The following CADM2 variants were observed in gnomAD, a reference collection of about 807,000 sequenced individuals.
The protein encoded by CADM2 is cell adhesion molecule 2.
A neutral mutation model predicts 49.8 loss-of-function variants in CADM2; 12 were observed. The ratio of observed to expected loss-of-function variants is 0.24; its 90% CI spans 0.15 to 0.39. The LOEUF (loss-of-function observed/expected upper bound fraction) is 0.39. Among genes scored for constraint, CADM2 ranks in the 10% least tolerant of loss-of-function variants. The probability of loss-of-function intolerance (pLI) is 1.00; values close to 1 mark genes in which losing one functional copy is unlikely to be tolerated. For missense variants in CADM2, 378 were observed against 492.3 expected, an observed-to-expected ratio of 0.77 and a Z score of 2.20; for synonymous variants, 214 against 175.4, an observed-to-expected ratio of 1.22 and a Z score of -1.74.
chr3:85,877,688 T>TTTTTG (rs1553701133), intron 3 of CADM2, among the ~76,000 whole-genome samples: 2 of 146,610 alleles, frequency 1.4e-5, no homozygotes, highest in African/African-American at 4.9e-5. Context: ...TCTTCTGTTT[T>TTTTTG]TTTTTTTTTT....
At chr3:85,564,066 G>T (rs1430677425) in intron 1 of CADM2, among the ~76,000 whole-genome samples, 16 of 151,948 alleles carry the variant, frequency 1.1e-4, no homozygotes, top group African/African-American at 2.9e-4. Flanking sequence ...TCAGGACTGG[G>T]TGTCAGTTGT....
At chr3:85,034,751 G>GATTTATTATTGCCTATC (rs2035135353) in intron 1 of CADM2, among the ~76,000 whole-genome samples, 1 of 139,984 alleles carries the variant, frequency 7.1e-6, no homozygotes, top group Admixed American at 7.6e-5. Context: ...TACTTGCCAG[G>GATTTATTATTGCCTATC]ATTTATTATT....
intron 1 of CADM2, among the ~76,000 whole-genome samples, chr3:84,981,521 T>C (rs1047770827): frequency 3.9e-5 from 6 of 152,060 alleles, no homozygotes; most frequent in African/African-American, 1.4e-4. Flanking sequence ...AAAGCTACAT[T>C]ACTTGAGTTT....
chr3:85,252,873 G>A (rs1172025439), intron 1 of CADM2, among the ~76,000 whole-genome samples: 2 of 151,928 alleles, frequency 1.3e-5, no homozygotes, highest in Admixed American at 6.6e-5. Flanking sequence ...CTAACTTAAT[G>A]ACATCATCAT....
chr3:85,334,350 T>C (rs2045019216), intron 1 of CADM2, among the ~76,000 whole-genome samples: 1 of 151,546 alleles, frequency 6.6e-6, no homozygotes, highest in South Asian at 2.1e-4. Context: ...AAATGACATA[T>C]GGACTTCAGA....
chr3:85,094,318 G>A (rs1032327951), intron 1 of CADM2, among the ~76,000 whole-genome samples: 2 of 152,000 alleles, frequency 1.3e-5, no homozygotes, highest in Non-Finnish European at 2.9e-5. Context: ...AATGGGTTAA[G>A]GCCTGTATTC....
At chr3:85,461,487 A>G (rs994878246) in intron 1 of CADM2, among the ~76,000 whole-genome samples, 2 of 152,208 alleles carry the variant, frequency 1.3e-5, no homozygotes, top group African/African-American at 4.8e-5. Context: ...GAAAAATTGT[A>G]AGCTACAAAC....
chr3:85,214,526 G>T (rs2041876164), intron 1 of CADM2, among the ~76,000 whole-genome samples: 1 of 152,042 alleles, frequency 6.6e-6, no homozygotes, highest in Non-Finnish European at 1.5e-5. Context: ...TCAGGGTGAT[G>T]AATCTCCCCC....
intron 1 of CADM2, among the ~76,000 whole-genome samples, chr3:85,621,004 T>C (rs1029563222): frequency 1.3e-5 from 2 of 152,184 alleles, no homozygotes; most frequent in East Asian, 1.9e-4. Flanking sequence ...TCCTTTATTA[T>C]TGTTATTTGT....
At chr3:85,122,256 T>G (rs2038889647) in intron 1 of CADM2, among the ~76,000 whole-genome samples, 1 of 152,160 alleles carries the variant, frequency 6.6e-6, no homozygotes, top group Admixed American at 6.5e-5. Flanking sequence ...CACATTTCAG[T>G]TTGTTTTCGT....
chr3:85,397,160 A>T (rs1039988120), intron 1 of CADM2, among the ~76,000 whole-genome samples: 14 of 152,178 alleles, frequency 9.2e-5, no homozygotes, highest in African/African-American at 3.4e-4. Context: ...AAAGATGCCC[A>T]ATATCACTAG....
intron 1 of CADM2, among the ~76,000 whole-genome samples, chr3:85,438,334 A>G (rs2037029700): frequency 6.6e-6 from 1 of 150,410 alleles, no homozygotes; most frequent in South Asian, 2.1e-4. Context: ...TCTGTATCTT[A>G]TGCATGTTGG....
intron 1 of CADM2, among the ~76,000 whole-genome samples, chr3:85,422,726 G>A (rs2036230552): frequency 6.6e-6 from 1 of 152,082 alleles, no homozygotes; most frequent in Non-Finnish European, 1.5e-5. Context: ...ACCCCCTTGT[G>A]AGATGGGCAA....
At chr3:85,273,776 A>G (rs1392891162) in intron 1 of CADM2, among the ~76,000 whole-genome samples, 1 of 150,372 alleles carries the variant, frequency 6.7e-6, no homozygotes, top group Non-Finnish European at 1.5e-5. Context: ...CTCAGAAAAG[A>G]AGCACATTTT....
At chr3:84,976,042 T>A (rs956178995) in intron 1 of CADM2, among the ~76,000 whole-genome samples, 2 of 151,864 alleles carry the variant, frequency 1.3e-5, no homozygotes, top group African/African-American at 4.8e-5. Context: ...TATACCACCA[T>A]AACCTTAAAT....
chr3:86,001,679 A>G (rs956260420), intron 8 of CADM2, among the ~76,000 whole-genome samples: 7 of 152,148 alleles, frequency 4.6e-5, no homozygotes, highest in African/African-American at 1.7e-4. Context: ...ATTTGTTGCC[A>G]GATAAAGGAA....
chr3:85,597,347 C>G (rs2063273777), intron 1 of CADM2, among the ~76,000 whole-genome samples: 1 of 152,026 alleles, frequency 6.6e-6, no homozygotes, highest in African/African-American at 2.4e-5. Context: ...TGCAAGATAA[C>G]TGCCTTTATG....
intron 1 of CADM2, among the ~76,000 whole-genome samples, chr3:85,489,460 C>A (rs557457570): frequency 6.6e-6 from 1 of 152,050 alleles, no homozygotes; most frequent in Admixed American, 6.6e-5. Context: ...GTTCAATATA[C>A]ATTTCTGCAT....
At chr3:85,690,499 G>A (rs1303404518) in intron 1 of CADM2, among the ~76,000 whole-genome samples, 3 of 151,928 alleles carry the variant, frequency 2.0e-5, no homozygotes, top group African/African-American at 7.3e-5. Context: ...ATGGGGGTGG[G>A]GGGAGTCAAG....
Sources: allele counts gnomAD v4.1 joint callset (sites outside exome capture counted in the v4.1 genomes callset), GRCh38; gene constraint gnomAD v4.1.1; transcripts MANE v1.5; gene names NCBI Gene and HGNC (gene_info 2026-07-23, HGNC 2026-07-21).